Variants in ZNF585A observed in about 807,000 individuals in gnomAD.
The protein encoded by ZNF585A is zinc finger protein 585A.
ZNF585A carries 9 observed loss-of-function variants against 14.9 expected under a neutral mutation model. The observed-to-expected ratio is 0.60, with a 90% CI of 0.36 to 1.05. The LOEUF (loss-of-function observed/expected upper bound fraction) is 1.05, where lower values mean the gene tolerates loss of function less well. Among genes scored for constraint, ZNF585A ranks in the 50% least tolerant of loss-of-function variants. The probability of loss-of-function intolerance (pLI) is 0.01; values close to 1 mark genes in which losing one functional copy is unlikely to be tolerated. For missense variants in ZNF585A, 726 were observed against 926.4 expected, an observed-to-expected ratio of 0.78 and a Z score of 2.81; for synonymous variants, 276 against 319.9, an observed-to-expected ratio of 0.86 and a Z score of 1.46.
Position 37,155,820 on chromosome 19 carries a change from T to C in ZNF585A, c.292+45A>G, listed in dbSNP as rs142685602. ...TGGTGTTTCTCAAGACAGCTGAGAT[T>C]TCCTCCCATCTCCCATCTACCGGAT... On this transcript the variant is annotated intron_variant, in intron 4 of 4. Coordinates refer to ENST00000292841, the MANE Select transcript of ZNF585A (RefSeq NM_001288800.2). The C allele has an allele frequency of 6.6e-5, 106 of 1,598,370 alleles. No homozygotes were observed. The African/African-American group carries it at 1.3e-3, about 20-fold the overall frequency.
At position 37,151,548 on chromosome 19, in the gene ZNF585A, T is replaced by C. The variant is rs373608631; in HGVS notation, c.*41A>G. The stretch of plus-strand genomic sequence containing the variant: ...GCTGCATGCGTGCAACAGTGTACAA[T>C]CAGACCCAACCCTCAGGGGGGTTTT... On this transcript the variant is annotated 3_prime_UTR_variant, in exon 5 of 5. Coordinates refer to ENST00000292841, the MANE Select transcript of ZNF585A (RefSeq NM_001288800.2). 1.3e-6 allele frequency: 2 copies of C among 1,562,608 alleles called. No individual in the cohort carries two copies. The highest frequency in any genetic ancestry group is 8.7e-7 in the Non-Finnish European group (1 of 1,153,792).
chr19:37,147,510 T>C lies in ZNF585A; in HGVS notation c.*4079A>G, dbSNP rs1971757887. On this transcript the variant is annotated 3_prime_UTR_variant, in exon 5 of 5. Transcript: ENST00000292841. ...AACATTAAATGCAACTACGTGAAAG[T>C]AGAAATAACCAAAATATTATGTGAA... 1 of 152,172 alleles carries C rather than the reference T, an allele frequency of 6.6e-6. No homozygotes were observed. Among genetic ancestry groups the C allele is most frequent in the Admixed American group, 6.5e-5 (1 of 15,270 alleles). The allele number at this position is 152,172 out of a possible 1,614,324, so 9.4% of individuals were successfully genotyped here.
In ZNF585A at chr19:37,150,345, T is replaced by C. The variant is rs1971807634; in HGVS notation, c.*1244A>G. 1 of 152,124 alleles carries C rather than the reference T, an allele frequency of 6.6e-6. No homozygotes were observed. Among genetic ancestry groups the C allele is most frequent in the South Asian group, 2.1e-4 (1 of 4,822 alleles). 9.4% of individuals were successfully genotyped at this position (152,124 alleles called of 1,614,324 possible). A position where few individuals can be genotyped will look rare whatever the true frequency, so the allele number is the denominator to read the frequency against. On this transcript the variant is annotated 3_prime_UTR_variant, in exon 5 of 5. Coordinates refer to ENST00000292841, the MANE Select transcript of ZNF585A (RefSeq NM_001288800.2). ...AATCAATAAGGAGGATCACAAGACA[T>C]CCTGCTAGAGGTGTAATAAAAGTAT...
rs547049230 is a variant in ZNF585A, at chr19:37,148,119, C to G, written c.*3470G>C. 1 of 152,182 alleles carries G rather than the reference C, an allele frequency of 6.6e-6. No individual in the cohort carries two copies. The highest frequency in any genetic ancestry group is 2.1e-4 in the South Asian group (1 of 4,826). 9.4% of individuals were successfully genotyped at this position (152,182 alleles called of 1,614,324 possible). ...AAACTTTTGTGCATAGTGGACAGAC[C>G]GTTTTACAATCCTACAAGCAATGCA... On this transcript the variant is annotated 3_prime_UTR_variant, in exon 5 of 5. Coordinates refer to ENST00000292841, the MANE Select transcript of ZNF585A (RefSeq NM_001288800.2).
At chr19:37,168,085 CATT>C (rs1972125277) in intron 2 of ZNF585A, among the ~76,000 whole-genome samples, 2 of 152,174 alleles carry the variant, frequency 1.3e-5, no homozygotes, top group African/African-American at 4.8e-5. Context: ...TTCAAAAATA[CATT>C]ATTAGTTAAA....
intron 4 of ZNF585A, 96 bp downstream of exon 4, chr19:37,155,769 G>T: frequency 7.4e-7 from 1 of 1,359,456 alleles, no homozygotes; most frequent in Non-Finnish European, 1.0e-6. Flanking sequence ...TCCAGAAAAA[G>T]CATCTTAATA....
chr19:37,166,808 C>T (rs1235629014), intron 2 of ZNF585A, among the ~76,000 whole-genome samples: 3 of 151,976 alleles, frequency 2.0e-5, no homozygotes, highest in Non-Finnish European at 4.4e-5. Context: ...TTCCCCTCTA[C>T]CCACAGGATA....
Position 37,149,172 on chromosome 19 carries a change from G to A in ZNF585A, c.*2417C>T, listed in dbSNP as rs930552105. The A allele has an allele frequency of 5.0e-4, 76 of 152,254 alleles. 2 individuals are homozygous for A. Among genetic ancestry groups the A allele is most frequent in the African/African-American group, 1.5e-3 (61 of 41,558 alleles). 9.4% of individuals were successfully genotyped at this position (152,254 alleles called of 1,614,324 possible). On this transcript the variant is annotated 3_prime_UTR_variant, in exon 5 of 5. Transcript: ENST00000292841. ...ACCTATAGACTTGGGGTGGTAATGA[G>A]TGTCAGTGGAGGTTCACCAATTGTA...
intron 2 of ZNF585A, among the ~76,000 whole-genome samples, chr19:37,168,105 TTGA>T (rs1183931722): frequency 6.6e-6 from 1 of 152,246 alleles, no homozygotes; most frequent in African/African-American, 2.4e-5. Flanking sequence ...TAAACAAATG[TTGA>T]TAACTTTTAT....
intron 2 of ZNF585A, among the ~76,000 whole-genome samples, chr19:37,157,528 AC>A (rs1971950190): frequency 6.6e-6 from 1 of 152,222 alleles, no homozygotes; most frequent in Admixed American, 6.5e-5. Context: ...GCCCAAAGGA[AC>A]AAAAAGTACA....
At position 37,155,875 on chromosome 19, in the gene ZNF585A, C is replaced by G. The variant is rs371141339; in HGVS notation, c.282G>C (p.Gln94His). ...ACTCGCTTCACTCACCTGGGCAGCT[C>G]TGACGTGGCCTCTCACCCTGCAGTG... ...PWALQGERPR[Q>H]SCPGEKLWDH... The change falls in exon 4 of 5, where the codon CAG (glutamine) becomes CAC (histidine). Residue 94 changes from glutamine to histidine, a missense_variant. Physicochemically the swap from Gln to His is conservative, Grantham distance 24. Coordinates refer to ENST00000292841, the MANE Select transcript of ZNF585A (RefSeq NM_001288800.2). 7.4e-6 allele frequency: 12 copies of G among 1,612,152 alleles called. No individual in the cohort carries two copies. The highest frequency in any genetic ancestry group is 4.0e-5 in the African/African-American group (3 of 74,852).
chr19:37,165,223 G>A (rs923814631), intron 2 of ZNF585A, among the ~76,000 whole-genome samples: 3 of 152,088 alleles, frequency 2.0e-5, no homozygotes, highest in East Asian at 1.9e-4. Context: ...TTAGCTGGGC[G>A]TGGTGGCGCA....
intron 2 of ZNF585A, among the ~76,000 whole-genome samples, chr19:37,158,804 A>T (rs189098345): frequency 2.3e-4 from 35 of 152,352 alleles, no homozygotes; most frequent in Admixed American, 2.0e-3. Context: ...GTGTGACATT[A>T]GCTTACTGGT....
At chr19:37,165,689 G>A (rs1972081777) in intron 2 of ZNF585A, 1 of 980,548 alleles carries the variant, frequency 1.0e-6, no homozygotes, top group Non-Finnish European at 1.2e-6. Flanking sequence ...CAGGCATCAA[G>A]GTTAACACTG....
chr19:37,166,986 A>G (rs1972102511), intron 2 of ZNF585A, among the ~76,000 whole-genome samples: 1 of 151,876 alleles, frequency 6.6e-6, no homozygotes, highest in South Asian at 2.1e-4. Flanking sequence ...GGCCTGCACC[A>G]CCACACCTGG....
intron 2 of ZNF585A, among the ~76,000 whole-genome samples, chr19:37,163,716 A>G (rs1015849428): frequency 5.3e-5 from 8 of 151,554 alleles, no homozygotes; most frequent in African/African-American, 9.7e-5. Flanking sequence ...TATTTAGTTC[A>G]AGAAGTTAAC....
At chr19:37,154,906 C>T (rs1477399694) in intron 4 of ZNF585A, among the ~76,000 whole-genome samples, 2 of 150,496 alleles carry the variant, frequency 1.3e-5, no homozygotes, top group Non-Finnish European at 2.9e-5. Context: ...TCCGTGAATG[C>T]GTGAAGGTTA....
At position 37,147,788 on chromosome 19, in the gene ZNF585A, A is replaced by C. The variant is rs577208960; in HGVS notation, c.*3801T>G. On this transcript the variant is annotated 3_prime_UTR_variant, in exon 5 of 5. Coordinates refer to ENST00000292841, the MANE Select transcript of ZNF585A (RefSeq NM_001288800.2). Reference sequence around the variant, plus strand: ...TCTTTTATCAAATGTAATTCAAGTTATCACATGGTTTACCTAAAATACAAC... The same window carrying C: ...TCTTTTATCAAATGTAATTCAAGTTCTCACATGGTTTACCTAAAATACAAC... The C allele has an allele frequency of 1.3e-5, 2 of 152,342 alleles. No homozygotes were observed. The highest frequency in any genetic ancestry group is 2.9e-5 in the Non-Finnish European group (2 of 68,026). The allele number at this position is 152,342 out of a possible 1,614,324, so 9.4% of individuals were successfully genotyped here.
intron 2 of ZNF585A, among the ~76,000 whole-genome samples, chr19:37,159,628 G>A (rs1971984319): frequency 6.6e-6 from 1 of 152,144 alleles, no homozygotes; most frequent in Non-Finnish European, 1.5e-5. Flanking sequence ...ATAGAAAAGT[G>A]AGCATGACAA....
Sources: gnomAD v4.1 joint callset for allele counts (sites outside exome capture counted in the v4.1 genomes callset) on GRCh38, gnomAD v4.1.1 for gene constraint, MANE v1.5 for transcripts, NCBI Gene and HGNC (gene_info 2026-07-23, HGNC 2026-07-21) for gene names.